Variants in WWOX observed in about 807,000 individuals in gnomAD.
The protein encoded by WWOX is WW domain-containing oxidoreductase.
Under a neutral mutation model 46.2 loss-of-function variants are expected in WWOX, and 69 were observed. That is an observed-to-expected ratio of 1.49 (90% CI 1.23 to 1.82). The LOEUF (loss-of-function observed/expected upper bound fraction) is 1.82, where lower values mean the gene tolerates loss of function less well. WWOX is among the 40% of genes most tolerant of loss of function. The pLI, the probability that WWOX is intolerant of heterozygous loss-of-function variation, is 0.00. For synonymous variants in WWOX, 359 were observed against 202.6 expected (o/e 1.77, Z -6.56); for missense variants, 919 against 542.6 (o/e 1.69, Z -6.89).
chr16:79,045,679 C>T (rs1286295991), intron 8 of WWOX, among the ~76,000 whole-genome samples: 1 of 150,920 alleles, frequency 6.6e-6, no homozygotes, highest in East Asian at 2.0e-4. Context: ...TTACTAACTG[C>T]ATTGTGGGTT....
chr16:78,971,693 C>T (rs191168484), intron 8 of WWOX, among the ~76,000 whole-genome samples: 26 of 152,118 alleles, frequency 1.7e-4, no homozygotes, highest in Admixed American at 3.9e-4. Flanking sequence ...AGCATTGAGT[C>T]ATGTCTCTGA....
chr16:79,068,021 C>A (rs1052844334), intron 8 of WWOX, among the ~76,000 whole-genome samples: 2 of 152,150 alleles, frequency 1.3e-5, no homozygotes, highest in African/African-American at 4.8e-5. Flanking sequence ...ATTGATCTTC[C>A]TGCCTTTGCC....
chr16:78,205,992 C>A (rs561067608), intron 5 of WWOX, among the ~76,000 whole-genome samples: 1 of 151,950 alleles, frequency 6.6e-6, no homozygotes, highest in African/African-American at 2.4e-5. Flanking sequence ...CTCCCTTCCT[C>A]CCTTCCTGTC....
chr16:78,322,114 A>G (rs971054247), intron 5 of WWOX, among the ~76,000 whole-genome samples: 3 of 152,166 alleles, frequency 2.0e-5, no homozygotes, highest in Admixed American at 1.3e-4. Context: ...TATAAACCAG[A>G]TGATTGTGTA....
intron 8 of WWOX, among the ~76,000 whole-genome samples, chr16:79,042,266 C>G (rs945424265): frequency 6.6e-6 from 1 of 152,242 alleles, no homozygotes; most frequent in Admixed American, 6.5e-5. Flanking sequence ...CTGAGGCTTC[C>G]TCACTGTCTT....
At chr16:78,780,269 T>A (rs753857215) in intron 8 of WWOX, 1 of 152,178 alleles carries the variant, frequency 6.6e-6, no homozygotes, top group Non-Finnish European at 1.5e-5. Context: ...GGGAGATCCA[T>A]AAAGTTCTTG....
intron 5 of WWOX, among the ~76,000 whole-genome samples, chr16:78,360,351 C>T (rs753521518): frequency 2.6e-5 from 4 of 152,088 alleles, no homozygotes; most frequent in African/African-American, 7.2e-5. Flanking sequence ...TTTGGGAGGC[C>T]GAAGCGGGCT....
intron 6 of WWOX, among the ~76,000 whole-genome samples, chr16:78,397,342 A>T (rs1678981389): frequency 6.6e-6 from 1 of 152,236 alleles, no homozygotes; most frequent in African/African-American, 2.4e-5. Context: ...TGTACAGCTA[A>T]GCACTTACAT....
At chr16:78,811,086 T>C (rs184984347) in intron 8 of WWOX, among the ~76,000 whole-genome samples, 12 of 152,282 alleles carry the variant, frequency 7.9e-5, no homozygotes, top group African/African-American at 2.9e-4. Flanking sequence ...AGACAACTCC[T>C]CTTCTCGTCT....
chr16:78,897,040 C>G (rs1415799595), intron 8 of WWOX: 1 of 146,782 alleles, frequency 6.8e-6, no homozygotes, highest in Non-Finnish European at 1.5e-5. Flanking sequence ...TCAGTCTGGG[C>G]AACAGGGTGA....
At chr16:78,672,918 C>T (rs143338336) in intron 8 of WWOX, among the ~76,000 whole-genome samples, 1 of 152,310 alleles carries the variant, frequency 6.6e-6, no homozygotes, top group East Asian at 1.9e-4. Flanking sequence ...GTGCCTTCCT[C>T]CTTCGTCTCT....
chr16:78,317,104 C>CT (rs1413328511), intron 5 of WWOX, among the ~76,000 whole-genome samples: 1 of 152,050 alleles, frequency 6.6e-6, no homozygotes, highest in Non-Finnish European at 1.5e-5. Flanking sequence ...ATTGGAGGGA[C>CT]TTGGAGAAGG....
intron 8 of WWOX, among the ~76,000 whole-genome samples, chr16:78,722,500 G>A (rs760251633): frequency 3.4e-4 from 52 of 152,268 alleles, no homozygotes; most frequent in Admixed American, 1.3e-3. Flanking sequence ...AGTGGTATCT[G>A]TTGTGATTAT....
intron 8 of WWOX, among the ~76,000 whole-genome samples, chr16:78,904,526 C>T (rs1050281479): frequency 1.3e-5 from 2 of 152,048 alleles, no homozygotes; most frequent in Non-Finnish European, 2.9e-5. Flanking sequence ...CATGAGCCAC[C>T]GGCCTGGCCA....
At chr16:78,728,303 C>G (rs535562418) in intron 8 of WWOX, among the ~76,000 whole-genome samples, 1 of 151,966 alleles carries the variant, frequency 6.6e-6, no homozygotes, top group Admixed American at 6.6e-5. Context: ...CTCCTGAGCT[C>G]AAGCGATTCT....
rs574436796 is a variant in WWOX, at chr16:78,404,056, G to C, written c.605+17108G>C. On this transcript the variant is annotated intron_variant, in intron 6 of 8. Transcript: ENST00000566780. ...AAGTCTTTTGCAAAGGGCGAGGCGA[G>C]GCTAAAAAGTATAGAAGAGTTCGTT... Among the ~76,000 whole-genome samples the C allele has an allele frequency of 7.1e-4, 108 of 152,232 alleles. 1 individual carries two copies. The highest frequency in any genetic ancestry group is 2.5e-3 in the African/African-American group (104 of 41,556).
At chr16:78,435,095 G>C (rs1466969681) in intron 8 of WWOX, among the ~76,000 whole-genome samples, 1 of 152,178 alleles carries the variant, frequency 6.6e-6, no homozygotes, top group African/African-American at 2.4e-5. Context: ...ACTGTATCAT[G>C]ATATCGGAGT....
At chr16:79,090,427 G>T (rs538343780) in intron 8 of WWOX, among the ~76,000 whole-genome samples, 1 of 152,198 alleles carries the variant, frequency 6.6e-6, no homozygotes, top group African/African-American at 2.4e-5. Context: ...GGCCCTCTAT[G>T]TGCAATACCT....
chr16:78,214,325 C>G (rs2036650779), intron 5 of WWOX, among the ~76,000 whole-genome samples: 1 of 88,628 alleles, frequency 1.1e-5, no homozygotes. Context: ...CTTCAATTAT[C>G]TCATCTGTAA....
Sources: allele counts gnomAD v4.1 joint callset (sites outside exome capture counted in the v4.1 genomes callset), GRCh38; gene constraint gnomAD v4.1.1; transcripts MANE v1.5; gene names NCBI Gene and HGNC (gene_info 2026-07-23, HGNC 2026-07-21).